Variants in ATL2 observed in about 807,000 individuals in gnomAD.
The protein encoded by ATL2 is atlastin-2.
In ATL2, 31 loss-of-function variants were observed where a neutral mutation model predicts 73.9. The ratio of observed to expected loss-of-function variants is 0.42; its 90% CI spans 0.32 to 0.57. ATL2 has a LOEUF of 0.57. Among genes scored for constraint, ATL2 ranks in the 20% least tolerant of loss-of-function variants. ATL2 has a pLI of 0.14. For synonymous variants in ATL2, 291 were observed against 237.5 expected (o/e 1.23, Z -2.07); for missense variants, 738 against 702.6 (o/e 1.05, Z -0.57).
At chr2:38,302,313 G>C (rs1205241683) in intron 9 of ATL2, among the ~76,000 whole-genome samples, 1 of 149,298 alleles carries the variant, frequency 6.7e-6, no homozygotes, top group Non-Finnish European at 1.5e-5. Context: ...GGAGACAAAG[G>C]CCAGGTGTGA....
At chr2:38,364,743 G>A (rs1304131915) in intron 1 of ATL2, among the ~76,000 whole-genome samples, 1 of 152,108 alleles carries the variant, frequency 6.6e-6, no homozygotes, top group Non-Finnish European at 1.5e-5. Context: ...TCTCTTTTAG[G>A]CTCAAAAAAT....
intron 1 of ATL2, among the ~76,000 whole-genome samples, chr2:38,371,231 G>C (rs1012313234): frequency 2.0e-5 from 3 of 151,892 alleles, no homozygotes; most frequent in Non-Finnish European, 4.4e-5. Context: ...GAAATGGCTG[G>C]GTGTGGTGGC....
At position 38,314,630 on chromosome 2, in the gene ATL2, T is replaced by A; in HGVS notation, c.689A>T (p.Glu230Val). 1 of 1,600,600 alleles carries A rather than the reference T, an allele frequency of 6.2e-7. No individual in the cohort carries two copies. The highest frequency in any genetic ancestry group is 8.6e-7 in the Non-Finnish European group (1 of 1,168,152). ...TACCTGAAATGGTTTCTGGTAGATT[T>A]CTTCCATCGCAAGTCTTCCATACTC... Reference protein sequence around the residue: ...FTEYGRLAMEEIYQKPFQTLM... With the variant: ...FTEYGRLAMEVIYQKPFQTLM... The change falls in exon 6 of 13, where the codon GAA becomes GTA. Residue 230 changes from glutamate (E) to valine (V), a missense_variant. Physicochemically the swap from Glu to Val is moderately radical, Grantham distance 121. Coordinates refer to ENST00000378954, the MANE Select transcript of ATL2 (RefSeq NM_001135673.4).
At chr2:38,317,507 GATTTTATCCCTTC>G (rs2148434164) in intron 4 of ATL2, among the ~76,000 whole-genome samples, 1 of 152,142 alleles carries the variant, frequency 6.6e-6, no homozygotes, top group South Asian at 2.1e-4. Context: ...AAAGAGAAGG[GATTTTATCCCTTC>G]CTAAATGAAG....
At chr2:38,304,021 T>C (rs1255430116) in intron 9 of ATL2, among the ~76,000 whole-genome samples, 1 of 152,128 alleles carries the variant, frequency 6.6e-6, no homozygotes, top group East Asian at 1.9e-4. Context: ...CTCAGCACCT[T>C]GGCAGGCTGA....
chr2:38,354,144 C>T (rs1307276669), intron 1 of ATL2: 1 of 423,086 alleles, frequency 2.4e-6, no homozygotes, highest in Admixed American at 2.7e-5. Flanking sequence ...GAAGATCGTG[C>T]CACTGCACTC....
intron 9 of ATL2, among the ~76,000 whole-genome samples, chr2:38,305,116 C>G (rs565690820): frequency 1.6e-4 from 25 of 151,976 alleles, no homozygotes; most frequent in Admixed American, 1.6e-3. Context: ...TTATATCAGC[C>G]AAAGAAGGTC....
At chr2:38,312,576 T>A (rs1171844001) in intron 7 of ATL2, among the ~76,000 whole-genome samples, 1 of 151,992 alleles carries the variant, frequency 6.6e-6, no homozygotes, top group Admixed American at 6.6e-5. Flanking sequence ...CCAGGCGTGG[T>A]GGCGGGCGCC....
At chr2:38,360,463 G>C (rs1670949080) in intron 1 of ATL2, among the ~76,000 whole-genome samples, 1 of 151,862 alleles carries the variant, frequency 6.6e-6, no homozygotes, top group Non-Finnish European at 1.5e-5. Context: ...TTTAGTTTTT[G>C]TAGAGACCAG....
chr2:38,313,374 G>A (rs1204886438), intron 6 of ATL2, 131 bp from the exon 7 acceptor site: 5 of 627,100 alleles, frequency 8.0e-6, no homozygotes, highest in Non-Finnish European at 1.3e-5. Flanking sequence ...GTAACTAAAT[G>A]GTCAGTACTG....
intron 2 of ATL2, among the ~76,000 whole-genome samples, chr2:38,321,453 C>T (rs1226982232): frequency 6.6e-6 from 1 of 152,136 alleles, no homozygotes; most frequent in East Asian, 1.9e-4. Context: ...AGGAGGCACC[C>T]TTCACAGGAA....
In ATL2 at chr2:38,370,813, G is replaced by C. The variant is rs562028707; in HGVS notation, c.118+6330C>G. 2.6e-5 allele frequency among the ~76,000 whole-genome samples: 4 copies of C among 151,944 alleles called. No homozygotes were observed. In the East Asian group the frequency reaches 7.7e-4, roughly 29 times the overall value. The stretch of plus-strand genomic sequence containing the variant: ...AACAAAAAAATCAACCCCTGGCCCA[G>C]CAGGGTAGTGCAAGCCTGTAGACCT... On this transcript the variant is annotated intron_variant, in intron 1 of 12. Transcript: ENST00000378954.
At chr2:38,373,005 A>C (rs1671770023) in intron 1 of ATL2, among the ~76,000 whole-genome samples, 1 of 150,552 alleles carries the variant, frequency 6.6e-6, no homozygotes, top group Non-Finnish European at 1.5e-5. Flanking sequence ...ACACTGGTAC[A>C]TTCTTACATA....
intron 9 of ATL2, among the ~76,000 whole-genome samples, chr2:38,302,991 G>T (rs1226620394): frequency 6.6e-6 from 1 of 152,094 alleles, no homozygotes; most frequent in Non-Finnish European, 1.5e-5. Flanking sequence ...AAGCACCAGT[G>T]ACCAATCCTG....
intron 9 of ATL2, among the ~76,000 whole-genome samples, chr2:38,303,038 A>C (rs1667266894): frequency 6.6e-6 from 1 of 152,210 alleles, no homozygotes; most frequent in African/African-American, 2.4e-5. Context: ...GAGAATTCAA[A>C]ATAGCAGTTT....
chr2:38,332,741 A>C (rs1669072597), intron 2 of ATL2, among the ~76,000 whole-genome samples: 2 of 152,236 alleles, frequency 1.3e-5, no homozygotes, highest in African/African-American at 4.8e-5. Context: ...GGGAGAATGA[A>C]TGGCCCACTC....
chr2:38,339,222 A>C (rs1386418372), intron 2 of ATL2, among the ~76,000 whole-genome samples: 2 of 152,172 alleles, frequency 1.3e-5, no homozygotes, highest in Non-Finnish European at 1.5e-5. Flanking sequence ...CTCAAAAAAA[A>C]GTCAAGATCA....
At chr2:38,318,711 A>C (rs1392568877) in intron 3 of ATL2, 72 bp from the exon 4 acceptor site, 24 of 1,375,236 alleles carry the variant, frequency 1.7e-5, no homozygotes, top group Non-Finnish European at 2.4e-5. Context: ...ATCAAATGAT[A>C]AATTTGAAAA....
chr2:38,324,234 C>T (rs982783089), intron 2 of ATL2, among the ~76,000 whole-genome samples: 3 of 152,134 alleles, frequency 2.0e-5, no homozygotes, highest in Admixed American at 1.3e-4. Flanking sequence ...GCCAAGATCG[C>T]GCCATTGCAC....
Sources: gnomAD v4.1 joint callset for allele counts (sites outside exome capture counted in the v4.1 genomes callset) on GRCh38, gnomAD v4.1.1 for gene constraint, MANE v1.5 for transcripts, NCBI Gene and HGNC (gene_info 2026-07-23, HGNC 2026-07-21) for gene names.